Variants in LDAF1 observed in about 807,000 individuals in gnomAD.
LDAF1 encodes lipid droplet assembly factor 1.
A neutral mutation model predicts 13.5 loss-of-function variants in LDAF1; 7 were observed. The ratio of observed to expected loss-of-function variants is 0.52; its 90% CI spans 0.29 to 0.97. LDAF1 has a LOEUF of 0.97. Among genes scored for constraint, LDAF1 ranks in the 50% least tolerant of loss-of-function variants. LDAF1 has a pLI of 0.07. For synonymous variants in LDAF1, 69 were observed against 77.1 expected (o/e 0.89, Z 0.55); for missense variants, 148 against 193.2 (o/e 0.77, Z 1.39).
chr16:21,171,910 G>A (rs1056683429), intron 3 of LDAF1, among the ~76,000 whole-genome samples: 27 of 151,704 alleles, frequency 1.8e-4, no homozygotes, highest in African/African-American at 6.5e-4. Flanking sequence ...ACTAATTTTT[G>A]TATTTTTGGT....
At position 21,162,533 on chromosome 16, in the gene LDAF1, A is replaced by G. The variant is rs1475306778; in HGVS notation, c.96+1255A>G. 3.3e-5 allele frequency among the ~76,000 whole-genome samples: 5 copies of G among 152,336 alleles called. No homozygotes were observed. In the East Asian group the frequency reaches 5.8e-4, roughly 18 times the overall value. On this transcript the variant is annotated intron_variant, in intron 2 of 4. Coordinates refer to ENST00000233047, the MANE Select transcript of LDAF1 (RefSeq NM_001301771.2). Reference sequence around the variant, plus strand: ...GTATGTCATTCTAGACCTTTTTTCTATGCAATATACCTATAAAAATACATA... The same window carrying G: ...GTATGTCATTCTAGACCTTTTTTCTGTGCAATATACCTATAAAAATACATA...
chr16:21,174,238 G>A (rs2093118966), intron 4 of LDAF1, 90 bp downstream of exon 4: 2 of 1,238,784 alleles, frequency 1.6e-6, no homozygotes. Flanking sequence ...CACTCAGGCT[G>A]GAGTGCAGTG....
chr16:21,163,796 A>T (rs904069562), intron 2 of LDAF1, among the ~76,000 whole-genome samples: 5 of 152,242 alleles, frequency 3.3e-5, no homozygotes, highest in Non-Finnish European at 7.3e-5. Context: ...CAAGCACTGC[A>T]CTAGGCATTC....
In LDAF1 at chr16:21,165,525, T is replaced by C. The variant is rs886400091; in HGVS notation, c.96+4247T>C. 2.3e-5 allele frequency: 21 copies of C among 931,042 alleles called. No homozygotes were observed. In the African/African-American group the frequency reaches 3.4e-4, roughly 15 times the overall value. The allele number at this position is 931,042 out of a possible 1,614,324, so 57.7% of individuals were successfully genotyped here. A position where few individuals can be genotyped will look rare whatever the true frequency, so the allele number is the denominator to read the frequency against. On this transcript the variant is annotated intron_variant, in intron 2 of 4. Transcript: ENST00000233047. Reference sequence around the variant, plus strand: ...CAGTCCCTAAGTCCTGTGTATTCCTTCTTTTGTCATTCCACTTTCATACCC... The same window carrying C: ...CAGTCCCTAAGTCCTGTGTATTCCTCCTTTTGTCATTCCACTTTCATACCC...
chr16:21,176,019 A>C (rs776208015), intron 4 of LDAF1, among the ~76,000 whole-genome samples: 254 of 152,326 alleles, frequency 1.7e-3, no homozygotes, highest in Non-Finnish European at 2.9e-3. Flanking sequence ...AACTGGAATT[A>C]TAGGCGTAAG....
intron 2 of LDAF1, among the ~76,000 whole-genome samples, chr16:21,163,548 G>A (rs1350251929): frequency 6.6e-6 from 1 of 152,172 alleles, no homozygotes; most frequent in Non-Finnish European, 1.5e-5. Flanking sequence ...GGGAGGCTGA[G>A]GCACGAGAAT....
rs557585837 is a variant in LDAF1, at chr16:21,179,746, G to A, written c.*190G>A. On this transcript the variant is annotated 3_prime_UTR_variant, in exon 5 of 5. Coordinates refer to ENST00000233047, the MANE Select transcript of LDAF1 (RefSeq NM_001301771.2). ...GTGTTGTTCTTGTGTTGGTTCCCAT[G>A]TAAAGAAGCAGCAGAGAAATGCGAT... The A allele has an allele frequency of 2.7e-5, 15 of 555,188 alleles. No homozygotes were observed. The East Asian group carries it at 4.4e-4, about 16-fold the overall frequency. 34.4% of individuals were successfully genotyped at this position (555,188 alleles called of 1,614,324 possible). A position where few individuals can be genotyped will look rare whatever the true frequency, so the allele number is the denominator to read the frequency against.
chr16:21,162,087 C>T (rs1353116469), intron 2 of LDAF1, among the ~76,000 whole-genome samples: 10 of 151,726 alleles, frequency 6.6e-5, no homozygotes, highest in Non-Finnish European at 1.2e-4. Context: ...ACCCAGGAGG[C>T]GGAGGTTGCA....
At chr16:21,168,589 A>C (rs1281733016) in intron 2 of LDAF1, among the ~76,000 whole-genome samples, 1 of 143,576 alleles carries the variant, frequency 7.0e-6, no homozygotes, top group Non-Finnish European at 1.5e-5. Flanking sequence ...ATATTTATAT[A>C]ATATATAATA....
intron 1 of LDAF1, chr16:21,159,345 C>G: frequency 6.2e-7 from 1 of 1,614,194 alleles, no homozygotes; most frequent in African/African-American, 1.3e-5. Context: ...CTCCCTTCCT[C>G]CTCTCCTTGG....
intron 2 of LDAF1, among the ~76,000 whole-genome samples, chr16:21,168,836 T>C (rs1334497450): frequency 2.3e-5 from 3 of 133,314 alleles, no homozygotes; most frequent in Non-Finnish European, 3.1e-5. Flanking sequence ...TTTAATTTTA[T>C]ATAATTATAA....
intron 1 of LDAF1, chr16:21,159,202 G>A (rs2092931970): frequency 1.0e-6 from 1 of 958,816 alleles, no homozygotes; most frequent in Non-Finnish European, 1.7e-6. Flanking sequence ...CATCGCTGCA[G>A]AGAGATCTGC....
At chr16:21,178,734 C>G (rs917172340) in intron 4 of LDAF1, 1 of 152,240 alleles carries the variant, frequency 6.6e-6, no homozygotes, top group Non-Finnish European at 1.5e-5. Context: ...CACTATACTT[C>G]AAAAGACTTC....
At position 21,161,176 on chromosome 16, in the gene LDAF1, C is replaced by T; in HGVS notation, c.-7C>T. The T allele has an allele frequency of 6.2e-7, 1 of 1,614,030 alleles. No homozygotes were observed. The highest frequency in any genetic ancestry group is 1.3e-5 in the African/African-American group (1 of 75,038). ...TCATCCCTAAAGAGATTGAAGTGAG[C>T]TTCAGAATGGCAAAAGAGGAGCCCC... On this transcript the variant is annotated 5_prime_UTR_variant, in exon 2 of 5. Coordinates refer to ENST00000233047, the MANE Select transcript of LDAF1 (RefSeq NM_001301771.2).
chr16:21,172,204 G>A (rs959856508), intron 3 of LDAF1, among the ~76,000 whole-genome samples: 2 of 150,868 alleles, frequency 1.3e-5, no homozygotes, highest in African/African-American at 4.9e-5. Context: ...TCCCAACACT[G>A]GGAGGCTGAG....
Position 21,179,768 on chromosome 16 carries a change from C to G in LDAF1, c.*212C>G, listed in dbSNP as rs1019988977. The G allele has an allele frequency of 1.9e-6, 1 of 521,448 alleles. No homozygotes were observed. The highest frequency in any genetic ancestry group is 3.4e-6 in the Non-Finnish European group (1 of 291,366). The allele number at this position is 521,448 out of a possible 1,614,324, so 32.3% of individuals were successfully genotyped here. ...CATGTAAAGAAGCAGCAGAGAAATGCGATGGTTCAACAGCTCGCCCTGCCC... is the reference window on the plus strand; with the variant it reads ...CATGTAAAGAAGCAGCAGAGAAATGGGATGGTTCAACAGCTCGCCCTGCCC... On this transcript the variant is annotated 3_prime_UTR_variant, in exon 5 of 5. Coordinates refer to ENST00000233047, the MANE Select transcript of LDAF1 (RefSeq NM_001301771.2).
At chr16:21,172,929 A>C in intron 3 of LDAF1, 2 of 627,512 alleles carry the variant, frequency 3.2e-6, no homozygotes, top group Non-Finnish European at 4.0e-6. Context: ...CCACTCACAA[A>C]GCAAAGGGAA....
At chr16:21,168,695 AT>A (rs1283809730) in intron 2 of LDAF1, among the ~76,000 whole-genome samples, 2 of 133,138 alleles carry the variant, frequency 1.5e-5, no homozygotes, top group South Asian at 2.2e-4. Flanking sequence ...TTACAATTAT[AT>A]TTTTATATAT....
In LDAF1 at chr16:21,170,361, C is replaced by T. The variant is rs1222609430; in HGVS notation, c.97-76C>T. ...TTTACGACTTCTGCCTTGTAATTCC[C>T]ACAGCTTGGGCAGATTCATTCAACC... On this transcript the variant is annotated intron_variant, in intron 2 of 4. Coordinates refer to ENST00000233047, the MANE Select transcript of LDAF1 (RefSeq NM_001301771.2). The T allele has an allele frequency of 5.0e-6, 8 of 1,588,476 alleles. No individual in the cohort carries two copies. In the African/African-American group the frequency reaches 8.1e-5, roughly 16 times the overall value.
Sources: gnomAD v4.1 joint callset for allele counts (sites outside exome capture counted in the v4.1 genomes callset) on GRCh38, gnomAD v4.1.1 for gene constraint, MANE v1.5 for transcripts, NCBI Gene and HGNC (gene_info 2026-07-23, HGNC 2026-07-21) for gene names.